The following SIPA1L2 variants were observed in gnomAD, a reference collection of about 807,000 sequenced individuals.
SIPA1L2 encodes the protein signal-induced proliferation-associated 1-like protein 2.
Under a neutral mutation model 163.9 loss-of-function variants are expected in SIPA1L2, and 56 were observed. The ratio of observed to expected loss-of-function variants is 0.34; its 90% CI spans 0.28 to 0.43. SIPA1L2 has a LOEUF of 0.43. SIPA1L2 is among the 20% of genes least tolerant of loss of function. The probability of loss-of-function intolerance (pLI) is 1.00; values close to 1 mark genes in which losing one functional copy is unlikely to be tolerated. For missense variants in SIPA1L2, 1,974 were observed against 2,193.5 expected (o/e 0.90, Z 2.00); for synonymous variants, 877 against 865.7 (o/e 1.01, Z -0.23).
chr1:232,628,957 CCA>C (rs1663224610), intron 1 of SIPA1L2, among the ~76,000 whole-genome samples: 1 of 151,952 alleles, frequency 6.6e-6, no homozygotes, highest in East Asian at 1.9e-4. Context: ...TTGTCAAAAC[CCA>C]GTCTCAATCT....
chr1:232,431,047 T>A (rs1662205685), intron 16 of SIPA1L2, among the ~76,000 whole-genome samples: 1 of 152,194 alleles, frequency 6.6e-6, no homozygotes, highest in East Asian at 1.9e-4. Context: ...GGCTTTTGCA[T>A]TAAAACTGTC....
At chr1:232,587,215 C>T (rs942389269) in intron 1 of SIPA1L2, among the ~76,000 whole-genome samples, 4 of 152,142 alleles carry the variant, frequency 2.6e-5, no homozygotes, top group Non-Finnish European at 2.9e-5. Flanking sequence ...AACTGATACA[C>T]CAGGTACAGA....
At position 232,465,483 on chromosome 1, in the gene SIPA1L2, T is replaced by C. The variant is rs76178660; in HGVS notation, c.2244-67A>G. ...TACCATAATATGTATCTTTCCGAAT[T>C]TGACATATATATACACACACACACA... On this transcript the variant is annotated intron_variant, in intron 8 of 22. Transcript: ENST00000674635. The surrounding 1 kb of genome is among the most constrained non-coding windows in gnomAD (Gnocchi z 4.1). 2,975 of 1,333,886 alleles carry C rather than the reference T, an allele frequency of 2.2e-3. 61 individuals are homozygous for C. In the African/African-American group the frequency reaches 0.038, roughly 17 times the overall value. The allele number at this position is 1,333,886 out of a possible 1,614,324, so 82.6% of individuals were successfully genotyped here.
intron 19 of SIPA1L2, among the ~76,000 whole-genome samples, chr1:232,409,951 A>G (rs1660854840): frequency 6.6e-6 from 1 of 151,442 alleles, no homozygotes; most frequent in Non-Finnish European, 1.5e-5. Flanking sequence ...AATATATTTC[A>G]AAATATCTAA....
chr1:232,418,137 C>T (rs746827456), intron 18 of SIPA1L2, among the ~76,000 whole-genome samples: 2 of 152,218 alleles, frequency 1.3e-5, no homozygotes, highest in Admixed American at 1.3e-4. Context: ...GCCTAACACA[C>T]ATTCTATGTG....
chr1:232,456,173 A>G (rs1663903883), intron 10 of SIPA1L2, among the ~76,000 whole-genome samples: 1 of 152,222 alleles, frequency 6.6e-6, no homozygotes, highest in African/African-American at 2.4e-5. Context: ...AATTTTTAAA[A>G]AAAGAAGGCT....
Position 232,445,509 on chromosome 1 carries a change from G to A in SIPA1L2, c.3353+20C>T, listed in dbSNP as rs1170051277. 1.2e-5 allele frequency: 19 copies of A among 1,612,894 alleles called. No homozygotes were observed. The highest frequency in any genetic ancestry group is 1.6e-5 in the Non-Finnish European group (19 of 1,179,698). ...AGTGATTTACAAGGGCCCCCCTTGAGGAAACGGAACCAGCATTACCTCGTG... is the reference window on the plus strand; with the variant it reads ...AGTGATTTACAAGGGCCCCCCTTGAAGAAACGGAACCAGCATTACCTCGTG... On this transcript the variant is annotated intron_variant, in intron 11 of 22. Coordinates refer to ENST00000674635, the MANE Select transcript of SIPA1L2 (RefSeq NM_020808.5).
chr1:232,497,961 A>G (rs972473441), intron 3 of SIPA1L2, among the ~76,000 whole-genome samples: 3 of 152,164 alleles, frequency 2.0e-5, no homozygotes, highest in Non-Finnish European at 4.4e-5. Context: ...TCCACCGTTC[A>G]TGGAACCAAT....
rs71162242 is a variant in SIPA1L2, at chr1:232,465,517, T to TAC, written c.2244-103_2244-102dup. 10,354 of 562,318 alleles carry TAC rather than the reference T, an allele frequency of 0.018. 56 individuals are homozygous for TAC. The highest frequency in any genetic ancestry group is 0.018 in the African/African-American group (736 of 39,932). 34.8% of individuals were successfully genotyped at this position (562,318 alleles called of 1,614,324 possible). A position where few individuals can be genotyped will look rare whatever the true frequency, so the allele number is the denominator to read the frequency against. On this transcript the variant is annotated intron_variant, in intron 8 of 22. Coordinates refer to ENST00000674635, the MANE Select transcript of SIPA1L2 (RefSeq NM_020808.5). The surrounding 1 kb of genome is among the most constrained non-coding windows in gnomAD (Gnocchi z 4.1). ...ATATACACACACACACACATATACATACACACACACACACACATATACATA... is the reference window on the plus strand; with the variant it reads ...ATATACACACACACACACATATACATACACACACACACACACACATATACATA...
chr1:232,486,151 G>A (rs561426961), intron 5 of SIPA1L2, among the ~76,000 whole-genome samples: 2 of 152,160 alleles, frequency 1.3e-5, no homozygotes, highest in African/African-American at 2.4e-5. Flanking sequence ...TCTTAAATGA[G>A]GAGTCCTGGA....
rs377399215 is a variant in SIPA1L2, at chr1:232,515,089, G to A, written c.251C>T (p.Pro84Leu). 2.0e-5 allele frequency: 32 copies of A among 1,613,918 alleles called. No homozygotes were observed. Among genetic ancestry groups the A allele is most frequent in the Non-Finnish European group, 2.5e-5 (29 of 1,179,962 alleles). ...CTCCTTGGAACAGTCCTTTTTAGGA[G>A]GCCATTCAGACACCCTTGCTCTCAC... Reference protein sequence around the residue: ...MGVRARVSEWPPKKDCSKELT... With the variant: ...MGVRARVSEWLPKKDCSKELT... The change falls in exon 3 of 23, where the codon CCT (proline) becomes CTT (leucine). Residue 84 changes from proline to leucine, a missense_variant. This residue lies in a region of SIPA1L2 where 607 missense variants were observed against 624.0 expected (regional missense o/e 0.97). Coordinates refer to ENST00000674635, the MANE Select transcript of SIPA1L2 (RefSeq NM_020808.5).
At chr1:232,471,805 A>C (rs191143086) in intron 7 of SIPA1L2, among the ~76,000 whole-genome samples, 1,649 of 152,248 alleles carry the variant, frequency 0.011, 18 homozygotes, top group Non-Finnish European at 0.016. Flanking sequence ...CTCTTTTTAA[A>C]CCCCTAAAAT....
chr1:232,430,244 G>T (rs1033196918), intron 16 of SIPA1L2, among the ~76,000 whole-genome samples: 1 of 152,218 alleles, frequency 6.6e-6, no homozygotes, highest in African/African-American at 2.4e-5. Context: ...GCTAGCGGGT[G>T]CAGAGAACAA....
chr1:232,617,152 T>A (rs1662542547), intron 1 of SIPA1L2, among the ~76,000 whole-genome samples: 1 of 152,246 alleles, frequency 6.6e-6, no homozygotes, highest in South Asian at 2.1e-4. Context: ...ATTTTCTAAG[T>A]ATCAGATACA....
At chr1:232,593,733 A>AC (rs199984503) in intron 1 of SIPA1L2, among the ~76,000 whole-genome samples, 138 of 151,984 alleles carry the variant, frequency 9.1e-4, no homozygotes, top group African/African-American at 3.1e-3. Flanking sequence ...ACGCACACAC[A>AC]AAAATAAATA....
chr1:232,606,852 T>C (rs1187079029), intron 1 of SIPA1L2, among the ~76,000 whole-genome samples: 2 of 151,922 alleles, frequency 1.3e-5, no homozygotes, highest in African/African-American at 2.4e-5. Context: ...TAGGGGCTTT[T>C]ACAATAAAGA....
At chr1:232,534,277 A>C (rs1234518856) in intron 2 of SIPA1L2, among the ~76,000 whole-genome samples, 2 of 152,210 alleles carry the variant, frequency 1.3e-5, no homozygotes, top group African/African-American at 4.8e-5. Context: ...GTGCCAAACC[A>C]TTCAATGGGG....
At chr1:232,486,827 C>T (rs1013976048) in intron 5 of SIPA1L2, among the ~76,000 whole-genome samples, 4 of 152,140 alleles carry the variant, frequency 2.6e-5, no homozygotes, top group Admixed American at 2.0e-4. Flanking sequence ...TAAATACTCC[C>T]GGGGTATATC....
intron 1 of SIPA1L2, among the ~76,000 whole-genome samples, chr1:232,610,883 A>T (rs543241774): frequency 6.6e-6 from 1 of 152,258 alleles, no homozygotes; most frequent in Non-Finnish European, 1.5e-5. Context: ...GTAAAATAAA[A>T]ACTCTATTTA....
Sources: gnomAD v4.1 joint callset for allele counts (sites outside exome capture counted in the v4.1 genomes callset) on GRCh38, gnomAD v4.1.1 for gene constraint, gnomAD v4.1.1 regional missense constraint, Gnocchi (gnomAD v3.1) non-coding constraint, MANE v1.5 for transcripts, NCBI Gene and HGNC (gene_info 2026-07-23, HGNC 2026-07-21) for gene names.